CNTNAP5: variants seen among roughly 807,000 people sequenced by gnomAD.
CNTNAP5 encodes contactin associated protein family member 5.
A neutral mutation model predicts 150.2 loss-of-function variants in CNTNAP5; 72 were observed. The observed-to-expected ratio is 0.48, with a 90% CI of 0.40 to 0.58. The LOEUF (loss-of-function observed/expected upper bound fraction) is 0.58. CNTNAP5 is among the 20% of genes least tolerant of loss of function. The probability of loss-of-function intolerance (pLI) is 0.00; values close to 1 mark genes in which losing one functional copy is unlikely to be tolerated. For missense variants in CNTNAP5, 1,636 were observed against 1,626.2 expected, an observed-to-expected ratio of 1.01 and a Z score of -0.10; for synonymous variants, 672 against 619.8, an observed-to-expected ratio of 1.08 and a Z score of -1.25.
chr2:124,070,500 T>C (rs1446591347), intron 1 of CNTNAP5, among the ~76,000 whole-genome samples: 1 of 135,080 alleles, frequency 7.4e-6, no homozygotes, highest in East Asian at 2.2e-4. Flanking sequence ...GAATGAAAAA[T>C]AGATATTCTA....
At position 124,183,425 on chromosome 2, in the gene CNTNAP5, A is replaced by G. The variant is rs532545748; in HGVS notation, c.83-38280A>G. 3.3e-5 allele frequency among the ~76,000 whole-genome samples: 5 copies of G among 152,354 alleles called. No individual in the cohort carries two copies. The South Asian group carries it at 8.3e-4, about 25-fold the overall frequency. ...AAATGTCTAGTTTCTTTTGAAATAC[A>G]TTCAAGTCTTGTGAAAAGTTGAGAA... On this transcript the variant is annotated intron_variant, in intron 1 of 23. Transcript: ENST00000682447.
At chr2:124,612,280 T>C (rs1413440635) in intron 12 of CNTNAP5, among the ~76,000 whole-genome samples, 1 of 152,174 alleles carries the variant, frequency 6.6e-6, no homozygotes, top group Admixed American at 6.5e-5. Flanking sequence ...GTTTTTGCTA[T>C]GAATGTGTAT....
At chr2:124,270,570 A>G (rs1687722308) in intron 3 of CNTNAP5, among the ~76,000 whole-genome samples, 1 of 152,190 alleles carries the variant, frequency 6.6e-6, no homozygotes, top group Admixed American at 6.5e-5. Flanking sequence ...TGACAAGCAG[A>G]ATATTTGAGT....
intron 11 of CNTNAP5, among the ~76,000 whole-genome samples, chr2:124,580,923 G>A (rs34937267): frequency 3.3e-5 from 5 of 152,180 alleles, no homozygotes; most frequent in African/African-American, 7.2e-5. Context: ...GAGGAGAAGC[G>A]AGGCCTTACA....
chr2:124,715,122 C>T (rs1679916734), intron 13 of CNTNAP5, among the ~76,000 whole-genome samples: 1 of 152,112 alleles, frequency 6.6e-6, no homozygotes, highest in African/African-American at 2.4e-5. Flanking sequence ...TGGTTAGTTA[C>T]ACAAGGCAGC....
intron 7 of CNTNAP5, among the ~76,000 whole-genome samples, chr2:124,494,323 G>A (rs551427899): frequency 1.3e-5 from 2 of 152,198 alleles, no homozygotes; most frequent in East Asian, 3.9e-4. Context: ...AGACCTAGAG[G>A]CCAAAGGCTG....
chr2:124,443,492 C>T (rs529868306), intron 5 of CNTNAP5, among the ~76,000 whole-genome samples: 2 of 151,896 alleles, frequency 1.3e-5, no homozygotes, highest in East Asian at 1.9e-4. Context: ...TGCTTGCATA[C>T]ACCTAATATT....
At chr2:124,515,569 C>T (rs1173004388) in intron 8 of CNTNAP5, among the ~76,000 whole-genome samples, 1 of 152,162 alleles carries the variant, frequency 6.6e-6, no homozygotes, top group Non-Finnish European at 1.5e-5. Context: ...ATGCCCTGCA[C>T]TGTGCTAGCT....
In CNTNAP5 at chr2:124,828,735, CAAAAAAAAAAAAAAA is replaced by C. The variant is rs60339676; in HGVS notation, c.3217+30438_3217+30452del. 9.3e-3 allele frequency among the ~76,000 whole-genome samples: 215 copies of C among 23,118 alleles called. 1 individual carries two copies. The highest frequency in any genetic ancestry group is 0.042 in the Admixed American group (56 of 1,348). The allele number at this position is 23,118 out of a possible 152,430, so 15.2% of individuals were successfully genotyped here. On this transcript the variant is annotated intron_variant, in intron 19 of 23. Coordinates refer to ENST00000682447, the MANE Select transcript of CNTNAP5 (RefSeq NM_001367498.1). ...CCTTGCAGACCAATGCAAGTGTTGG[CAAAAAAAAAAAAAAA>C]AAAAAAAAAAAAAAAAAAAAAATCA...
chr2:124,603,780 A>C (rs755611101), intron 11 of CNTNAP5, among the ~76,000 whole-genome samples: 5 of 152,176 alleles, frequency 3.3e-5, no homozygotes, highest in Non-Finnish European at 5.9e-5. Flanking sequence ...TAGATAAATA[A>C]ATACATACAT....
intron 20 of CNTNAP5, among the ~76,000 whole-genome samples, chr2:124,868,994 T>A (rs1677688822): frequency 6.6e-6 from 1 of 152,066 alleles, no homozygotes; most frequent in African/African-American, 2.4e-5. Context: ...CAAATGGAGC[T>A]GGAATTAGCC....
rs554141147 is a variant in CNTNAP5 at position 124,580,653 on chromosome 2, C to T, written c.1756+17330C>T. Among the ~76,000 whole-genome samples, 25 of 152,276 alleles carry T rather than the reference C, an allele frequency of 1.6e-4. 1 individual carries two copies. In the South Asian group the frequency reaches 4.6e-3, roughly 28 times the overall value. On this transcript the variant is annotated intron_variant, in intron 11 of 23. Transcript: ENST00000682447. ...CAGCCTCCACAATGCATAACAGTTA[C>T]GTTTGGTCATGATGCCCAGAAGGGT... is the stretch of plus-strand genomic sequence containing the variant.
chr2:124,731,011 C>T (rs750392633), intron 13 of CNTNAP5, among the ~76,000 whole-genome samples: 1 of 152,030 alleles, frequency 6.6e-6, no homozygotes, highest in African/African-American at 2.4e-5. Flanking sequence ...ATTAGAAGAG[C>T]TGCTCTGTGC....
chr2:124,326,690 C>T (rs1050802246), intron 3 of CNTNAP5, among the ~76,000 whole-genome samples: 7 of 152,080 alleles, frequency 4.6e-5, no homozygotes, highest in East Asian at 1.9e-4. Flanking sequence ...TTTGGGAGGC[C>T]GAGGCAGCCT....
At chr2:124,307,450 A>T (rs560527183) in intron 3 of CNTNAP5, among the ~76,000 whole-genome samples, 1 of 152,274 alleles carries the variant, frequency 6.6e-6, no homozygotes, top group East Asian at 1.9e-4. Context: ...AGCTCTACTC[A>T]CTGAAATCAC....
chr2:124,533,512 C>T (rs1695160234), intron 10 of CNTNAP5, among the ~76,000 whole-genome samples: 1 of 152,180 alleles, frequency 6.6e-6, no homozygotes, highest in South Asian at 2.1e-4. Context: ...ATCTGCAAAG[C>T]TGATGTGGGT....
intron 7 of CNTNAP5, among the ~76,000 whole-genome samples, chr2:124,476,987 T>A (rs1422647204): frequency 6.6e-6 from 1 of 152,192 alleles, no homozygotes; most frequent in African/African-American, 2.4e-5. Flanking sequence ...AATTCTCCAC[T>A]GTGTTTTTCT....
At chr2:124,577,534 C>T (rs1162190633) in intron 11 of CNTNAP5, among the ~76,000 whole-genome samples, 3 of 152,128 alleles carry the variant, frequency 2.0e-5, no homozygotes, top group African/African-American at 4.8e-5. Flanking sequence ...AACAGTCAAC[C>T]AAATATTGTG....
At chr2:124,487,320 C>A (rs1693908782) in intron 7 of CNTNAP5, among the ~76,000 whole-genome samples, 1 of 152,132 alleles carries the variant, frequency 6.6e-6, no homozygotes, top group African/African-American at 2.4e-5. Flanking sequence ...TTGACTAGGT[C>A]TTCAAGAATG....
Sources: gnomAD v4.1 joint callset for allele counts (sites outside exome capture counted in the v4.1 genomes callset) on GRCh38, gnomAD v4.1.1 for gene constraint, MANE v1.5 for transcripts, NCBI Gene and HGNC (gene_info 2026-07-23, HGNC 2026-07-21) for gene names.